Variants in PCDH9 observed in about 807,000 individuals in gnomAD.
PCDH9 encodes protocadherin 9, also known as protocadherin-9.
In PCDH9, 24 loss-of-function variants were observed where a neutral mutation model predicts 70.6. The observed-to-expected ratio is 0.34, with a 90% CI of 0.25 to 0.48. The LOEUF is 0.48. PCDH9 is among the 20% of genes least tolerant of loss of function. The pLI is 0.99. For synonymous variants in PCDH9, 562 were observed against 558.5 expected (o/e 1.01, Z -0.09); for missense variants, 1,281 against 1,503.6 (o/e 0.85, Z 2.45).
At chr13:66,483,606 A>G (rs1420306115) in intron 4 of PCDH9, among the ~76,000 whole-genome samples, 1 of 152,192 alleles carries the variant, frequency 6.6e-6, no homozygotes, top group Non-Finnish European at 1.5e-5. Context: ...CAACTTTGCT[A>G]TTTTTGCTTC....
intron 3 of PCDH9, among the ~76,000 whole-genome samples, chr13:66,876,419 G>A (rs1303196995): frequency 6.6e-6 from 1 of 151,990 alleles, no homozygotes; most frequent in African/African-American, 2.4e-5. Context: ...AAAACATCAT[G>A]TTTCACATTG....
chr13:66,383,189 TTATC>T (rs1198306520), intron 4 of PCDH9, among the ~76,000 whole-genome samples: 1 of 152,180 alleles, frequency 6.6e-6, no homozygotes, highest in Non-Finnish European at 1.5e-5. Context: ...CTGTGAACAT[TTATC>T]TAAGAAAAAG....
intron 3 of PCDH9, among the ~76,000 whole-genome samples, chr13:66,694,923 A>G (rs1313618664): frequency 7.0e-6 from 1 of 143,570 alleles, no homozygotes; most frequent in Non-Finnish European, 1.5e-5. Flanking sequence ...TTTTTTTTTG[A>G]GACAGAGTCT....
At chr13:66,626,817 A>T (rs866666337) in intron 4 of PCDH9, among the ~76,000 whole-genome samples, 1 of 152,198 alleles carries the variant, frequency 6.6e-6, no homozygotes, top group Middle Eastern at 3.2e-3. Context: ...TTGCATGTAA[A>T]GACTATCATC....
intron 4 of PCDH9, among the ~76,000 whole-genome samples, chr13:66,313,255 T>C (rs996338201): frequency 1.3e-5 from 2 of 152,242 alleles, no homozygotes; most frequent in Non-Finnish European, 2.9e-5. Context: ...ATTTACCTTA[T>C]TGCAGATCAT....
chr13:66,451,381 G>T (rs1030441761), intron 4 of PCDH9, among the ~76,000 whole-genome samples: 1 of 152,032 alleles, frequency 6.6e-6, no homozygotes, highest in Non-Finnish European at 1.5e-5. Flanking sequence ...AATAAGTGGG[G>T]TCTATTATTT....
Position 67,102,690 on chromosome 13 carries a change from T to G in PCDH9, c.3036+122715A>C, listed in dbSNP as rs570900852. ...TAAAAGTTTAAATAATCAGGAATGATTGAAACATTCTGTAAAAGAGAGAGA... is the reference window on the plus strand; with the variant it reads ...TAAAAGTTTAAATAATCAGGAATGAGTGAAACATTCTGTAAAAGAGAGAGA... On this transcript the variant is annotated intron_variant, in intron 2 of 4. Coordinates refer to ENST00000377865, the MANE Select transcript of PCDH9 (RefSeq NM_203487.3). Among the ~76,000 whole-genome samples the G allele has an allele frequency of 3.9e-5, 6 of 152,264 alleles. No individual in the cohort carries two copies. In the South Asian group the frequency reaches 1.2e-3, roughly 32 times the overall value.
At chr13:66,459,012 G>C (rs964170988) in intron 4 of PCDH9, among the ~76,000 whole-genome samples, 1 of 151,940 alleles carries the variant, frequency 6.6e-6, no homozygotes, top group African/African-American at 2.4e-5. Context: ...TTTTTGGCAG[G>C]GGAGGGGGAG....
intron 3 of PCDH9, among the ~76,000 whole-genome samples, chr13:66,829,196 T>G (rs879602459): frequency 2.0e-5 from 3 of 152,058 alleles, no homozygotes; most frequent in Admixed American, 2.0e-4. Flanking sequence ...ACTGTACTTT[T>G]AGTAGAGATG....
chr13:66,628,283 T>A (rs541410212), intron 4 of PCDH9, among the ~76,000 whole-genome samples: 1 of 152,322 alleles, frequency 6.6e-6, no homozygotes, highest in East Asian at 1.9e-4. Context: ...ACTCTTAGAC[T>A]GTGTTAGGCT....
rs1429428813 is a variant in PCDH9, at chr13:67,075,292, T to C, written c.3036+150113A>G. On this transcript the variant is annotated intron_variant, in intron 2 of 4. Coordinates refer to ENST00000377865, the MANE Select transcript of PCDH9 (RefSeq NM_203487.3). The stretch of plus-strand genomic sequence containing the variant: ...GATTATTATTCTTATTGAAGATGCA[T>C]AAAGGGGAAAGTTATATTGGTCAGT... 2.0e-5 allele frequency among the ~76,000 whole-genome samples: 3 copies of C among 151,772 alleles called. No homozygotes were observed. In the East Asian group the frequency reaches 5.8e-4, roughly 29 times the overall value.
intron 4 of PCDH9, among the ~76,000 whole-genome samples, chr13:66,536,387 C>T (rs909801636): frequency 6.6e-6 from 1 of 152,010 alleles, no homozygotes; most frequent in African/African-American, 2.4e-5. Context: ...TCATTTGGTA[C>T]TATTTTTTAA....
chr13:67,158,471 G>A (rs2087869898), intron 2 of PCDH9, among the ~76,000 whole-genome samples: 3 of 152,166 alleles, frequency 2.0e-5, no homozygotes, highest in Admixed American at 2.0e-4. Context: ...ATTTGACAGT[G>A]GAACCTTTGA....
At chr13:66,854,132 A>C (rs964055098) in intron 3 of PCDH9, among the ~76,000 whole-genome samples, 2 of 152,150 alleles carry the variant, frequency 1.3e-5, no homozygotes, top group Admixed American at 1.3e-4. Flanking sequence ...ACTGCTTATA[A>C]TGAGAAGTAT....
In PCDH9 at chr13:66,326,397, TAAAAA is replaced by T. The variant is rs372315902; in HGVS notation, c.3341-21374_3341-21370del. On this transcript the variant is annotated intron_variant, in intron 4 of 4. Coordinates refer to ENST00000377865, the MANE Select transcript of PCDH9 (RefSeq NM_203487.3). Reference sequence around the variant, plus strand: ...TGTGTAATGTGTTTTCTTCTTCTTCTAAAAAAAAAAAAAAAACAACGAAAACAATA... The same window carrying T: ...TGTGTAATGTGTTTTCTTCTTCTTCTAAAAAAAAAAACAACGAAAACAATA... Among the ~76,000 whole-genome samples the T allele has an allele frequency of 3.3e-5, 4 of 119,806 alleles. No individual in the cohort carries two copies. The East Asian group carries it at 7.2e-4, about 21-fold the overall frequency. 78.6% of individuals were successfully genotyped at this position (119,806 alleles called of 152,430 possible).
chr13:66,736,414 G>C (rs1015975287), intron 3 of PCDH9, among the ~76,000 whole-genome samples: 10 of 152,178 alleles, frequency 6.6e-5, no homozygotes, highest in Non-Finnish European at 1.3e-4. Context: ...GGAAAAGAAG[G>C]TGCCCACAGG....
intron 2 of PCDH9, among the ~76,000 whole-genome samples, chr13:66,981,284 A>G (rs1007176360): frequency 6.6e-6 from 1 of 152,100 alleles, no homozygotes; most frequent in African/African-American, 2.4e-5. Context: ...TAAAAATACA[A>G]AAAGTTAGCC....
rs61067249 is a variant in PCDH9 at position 66,568,994 on chromosome 13, C to CTTTTTTTT, written c.3340+62208_3340+62215dup. ...TAACCTTCTGTTCTTGGAAACATGT[C>CTTTTTTTT]TTTTTTTTTTTTTTTTTTTTTTTTT... On this transcript the variant is annotated intron_variant, in intron 4 of 4. Transcript: ENST00000377865. Among the ~76,000 whole-genome samples the CTTTTTTTT allele has an allele frequency of 8.8e-3, 516 of 58,338 alleles. 86 individuals are homozygous for CTTTTTTTT. Among genetic ancestry groups the CTTTTTTTT allele is most frequent in the African/African-American group, 0.023 (306 of 13,428 alleles). 38.3% of individuals were successfully genotyped at this position (58,338 alleles called of 152,430 possible). A position where few individuals can be genotyped will look rare whatever the true frequency, so the allele number is the denominator to read the frequency against.
At position 67,013,677 on chromosome 13, in the gene PCDH9, C is replaced by T. The variant is rs376531601; in HGVS notation, c.3037-110072G>A. Among the ~76,000 whole-genome samples the T allele has an allele frequency of 2.6e-5, 4 of 151,770 alleles. No homozygotes were observed. In the South Asian group the frequency reaches 8.3e-4, roughly 31 times the overall value. ...CACTTATCATTCCTCAGATGATAGC[C>T]TCATTCATCCTTAATTGGTTGTCCT... On this transcript the variant is annotated intron_variant, in intron 2 of 4. Coordinates refer to ENST00000377865, the MANE Select transcript of PCDH9 (RefSeq NM_203487.3).
Sources: gnomAD v4.1 joint callset for allele counts (sites outside exome capture counted in the v4.1 genomes callset) on GRCh38, gnomAD v4.1.1 for gene constraint, MANE v1.5 for transcripts, NCBI Gene and HGNC (gene_info 2026-07-23, HGNC 2026-07-21) for gene names.